The following GPR83 variants were observed in gnomAD, a reference collection of about 807,000 sequenced individuals.
GPR83 encodes the protein G protein-coupled receptor 83, also known as G-protein coupled receptor 72.
In GPR83, 23 loss-of-function variants were observed where a neutral mutation model predicts 28.0. The observed-to-expected ratio is 0.82, with a 90% CI of 0.59 to 1.16. The LOEUF (loss-of-function observed/expected upper bound fraction) is 1.16, where lower values mean the gene tolerates loss of function less well. GPR83 is among the 50% of genes most tolerant of loss of function. GPR83 has a pLI of 0.00. For missense variants in GPR83, 610 were observed against 536.6 expected (o/e 1.14, Z -1.35); for synonymous variants, 234 against 215.4 (o/e 1.09, Z -0.76).
intron 1 of GPR83, among the ~76,000 whole-genome samples, chr11:94,398,720 G>C (rs1191527328): frequency 6.6e-6 from 1 of 152,206 alleles, no homozygotes; most frequent in East Asian, 1.9e-4. Flanking sequence ...GGGAGACCAG[G>C]GAAGAAGGAT....
chr11:94,400,926 GGCTGGTGGCCGAGTGCATTC>G lies in GPR83; in HGVS notation c.302_321del (p.Arg101ProfsTer110). The G allele has an allele frequency of 4.3e-6, 7 of 1,614,110 alleles. No homozygotes were observed. Among genetic ancestry groups the G allele is most frequent in the Non-Finnish European group, 5.9e-6 (7 of 1,179,916 alleles). ...GCAACTGCCAGGTTGACGATGAAGA[GGCTGGTGGCCGAGTGCATTC>G]GCTGGTTCTTGAAGATGACATGACA... is the stretch of plus-strand genomic sequence containing the variant. On this transcript the variant is annotated frameshift_variant, in exon 1 of 4. Transcript: ENST00000243673. LOFTEE classifies it high-confidence loss of function.
intron 2 of GPR83, among the ~76,000 whole-genome samples, chr11:94,394,938 G>A (rs78079749): frequency 0.01 from 1,563 of 152,196 alleles, 28 homozygotes; most frequent in African/African-American, 0.035. Flanking sequence ...GTTAATCTGG[G>A]GTAAGCATAG....
intron 2 of GPR83, among the ~76,000 whole-genome samples, chr11:94,394,728 TGCCCCTC>T: frequency 6.6e-6 from 1 of 152,204 alleles, no homozygotes; most frequent in African/African-American, 2.4e-5. Flanking sequence ...CAGCCATCTC[TGCCCCTC>T]ATACTCTTGT....
intron 3 of GPR83, among the ~76,000 whole-genome samples, chr11:94,391,194 G>T (rs59861532): frequency 0.065 from 9,840 of 152,130 alleles, 428 homozygotes; most frequent in Admixed American, 0.13. Context: ...TCTGATTTTT[G>T]ACACACCTGA....
rs2134700306 is a variant in GPR83, at chr11:94,401,163, C to G, written c.85G>C (p.Ala29Pro). 6.2e-7 allele frequency: 1 copy of G among 1,614,012 alleles called. No individual in the cohort carries two copies. Among genetic ancestry groups the G allele is most frequent in the Non-Finnish European group, 8.5e-7 (1 of 1,179,976 alleles). ...PHEGRADEQS[A>P]EAALAVPNAS... is the part of the protein sequence containing the mutation. ...TTGGGCACGGCCAGGGCCGCCTCCG[C>G]GCTCTGCTCGTCGGCCCGGCCCTCG... is the stretch of plus-strand genomic sequence containing the variant. Residue 29 changes from alanine (A) to proline (P), a missense_variant, in exon 1 of 4, where the codon GCG (alanine) becomes CCG (proline). Coordinates refer to ENST00000243673, the MANE Select transcript of GPR83 (RefSeq NM_016540.4).
intron 1 of GPR83, among the ~76,000 whole-genome samples, chr11:94,398,639 A>G (rs1565189011): frequency 6.6e-6 from 1 of 152,134 alleles, no homozygotes; most frequent in Admixed American, 6.5e-5. Context: ...AACTGTAAGT[A>G]ATTGTCTGCT....
chr11:94,393,099 C>A (rs1944832971), intron 3 of GPR83, among the ~76,000 whole-genome samples: 1 of 152,174 alleles, frequency 6.6e-6, no homozygotes, highest in South Asian at 2.1e-4. Flanking sequence ...CTGCCTCAGG[C>A]TCAGGCATGC....
chr11:94,382,464 A>G (rs900052294), intron 3 of GPR83, among the ~76,000 whole-genome samples: 3 of 152,164 alleles, frequency 2.0e-5, no homozygotes, highest in African/African-American at 7.2e-5. Flanking sequence ...AAAGGGATCA[A>G]TGCAGCAAGA....
Position 94,379,304 on chromosome 11 carries a change from G to T in GPR83, c.*845C>A, listed in dbSNP as rs189323421. ...GAGAACGGCATGAACCTGGGAGGCAGAGCTTGCAGTGAGCCGAGATTGTGC... is the reference window on the plus strand; with the variant it reads ...GAGAACGGCATGAACCTGGGAGGCATAGCTTGCAGTGAGCCGAGATTGTGC... On this transcript the variant is annotated 3_prime_UTR_variant, in exon 4 of 4. Coordinates refer to ENST00000243673, the MANE Select transcript of GPR83 (RefSeq NM_016540.4). The T allele has an allele frequency of 1.1e-4, 16 of 149,100 alleles. No homozygotes were observed. Among genetic ancestry groups the T allele is most frequent in the African/African-American group, 3.7e-4 (15 of 40,388 alleles). 9.2% of individuals were successfully genotyped at this position (149,100 alleles called of 1,614,324 possible).
intron 1 of GPR83, among the ~76,000 whole-genome samples, chr11:94,399,025 C>T (rs570176776): frequency 3.3e-5 from 5 of 152,260 alleles, no homozygotes; most frequent in Admixed American, 6.5e-5. Context: ...CCTGTCCTCG[C>T]GTCCATGGCC....
At chr11:94,390,579 G>T (rs1290183130) in intron 3 of GPR83, among the ~76,000 whole-genome samples, 1 of 152,100 alleles carries the variant, frequency 6.6e-6, no homozygotes, top group Non-Finnish European at 1.5e-5. Context: ...AAACCCCATT[G>T]TCTCAGCCCA....
intron 3 of GPR83, among the ~76,000 whole-genome samples, chr11:94,389,507 A>C (rs1219638910): frequency 6.6e-6 from 1 of 152,246 alleles, no homozygotes; most frequent in Non-Finnish European, 1.5e-5. Flanking sequence ...CAAGTGGGCG[A>C]AGGATATGAA....
chr11:94,392,490 A>G (rs1032458250), intron 3 of GPR83, among the ~76,000 whole-genome samples: 1 of 152,094 alleles, frequency 6.6e-6, no homozygotes, highest in African/African-American at 2.4e-5. Context: ...TTAAAAAGAC[A>G]TACCAGTGAC....
At chr11:94,383,564 T>C (rs967406218) in intron 3 of GPR83, among the ~76,000 whole-genome samples, 66 of 151,936 alleles carry the variant, frequency 4.3e-4, no homozygotes, top group African/African-American at 1.6e-3. Flanking sequence ...TTTGAAAAGA[T>C]CAACAAACTT....
At chr11:94,394,833 G>C (rs1242010942) in intron 2 of GPR83, among the ~76,000 whole-genome samples, 2 of 152,160 alleles carry the variant, frequency 1.3e-5, no homozygotes, top group Non-Finnish European at 2.9e-5. Flanking sequence ...AGAGCCCCTT[G>C]TTGGGGTATA....
At chr11:94,393,430 C>A (rs376130003) in intron 3 of GPR83, 55 bp downstream of exon 3, 8 of 1,576,332 alleles carry the variant, frequency 5.1e-6, no homozygotes, top group Middle Eastern at 1.7e-4. Flanking sequence ...CTTGGTGGAG[C>A]CTGACTCAGG....
intron 3 of GPR83, among the ~76,000 whole-genome samples, chr11:94,384,832 G>A (rs1384693403): frequency 6.6e-6 from 1 of 152,216 alleles, no homozygotes. Flanking sequence ...GTCCCTGTCT[G>A]ACAGCTTGGA....
chr11:94,390,246 C>A (rs748778829), intron 3 of GPR83, among the ~76,000 whole-genome samples: 7 of 151,866 alleles, frequency 4.6e-5, no homozygotes, highest in Middle Eastern at 3.4e-3. Context: ...GTGCAGCACA[C>A]CAACATGGCA....
At chr11:94,384,941 A>C (rs1053117435) in intron 3 of GPR83, among the ~76,000 whole-genome samples, 1 of 152,260 alleles carries the variant, frequency 6.6e-6, no homozygotes, top group Non-Finnish European at 1.5e-5. Flanking sequence ...CCTGGGAGGC[A>C]ACCCCCAGGA....
Sources: allele counts gnomAD v4.1 joint callset (sites outside exome capture counted in the v4.1 genomes callset), GRCh38; gene constraint gnomAD v4.1.1; transcripts MANE v1.5; gene names NCBI Gene and HGNC (gene_info 2026-07-23, HGNC 2026-07-21).